KIAA1217: variants seen among roughly 807,000 people sequenced by gnomAD.
KIAA1217 encodes KIAA1217.
Under a neutral mutation model 163.9 loss-of-function variants are expected in KIAA1217, and 88 were observed. The observed-to-expected ratio is 0.54, with a 90% confidence interval of 0.45 to 0.64. KIAA1217 has a LOEUF of 0.64. Ranked by LOEUF, KIAA1217 falls within the 30% of genes least tolerant of loss-of-function variation. The pLI is 0.00. For synonymous variants in KIAA1217, 903 were observed against 923.1 expected (o/e 0.98, Z 0.39); for missense variants, 2,372 against 2,475.0 (o/e 0.96, Z 0.88).
intron 6 of KIAA1217, among the ~76,000 whole-genome samples, chr10:24,486,844 TA>T (rs2065469010): frequency 6.6e-6 from 1 of 152,230 alleles, no homozygotes; most frequent in Non-Finnish European, 1.5e-5. Context: ...TCTATTTCGC[TA>T]ATGGTCAGTA....
At chr10:24,067,361 A>G (rs2060994061) in intron 2 of KIAA1217, among the ~76,000 whole-genome samples, 1 of 152,206 alleles carries the variant, frequency 6.6e-6, no homozygotes, top group Non-Finnish European at 1.5e-5. Context: ...TCTTTCTAAC[A>G]GACAGGACCC....
intron 1 of KIAA1217, among the ~76,000 whole-genome samples, chr10:23,759,119 G>T (rs1834106341): frequency 6.6e-6 from 1 of 151,974 alleles, no homozygotes; most frequent in African/African-American, 2.4e-5. Flanking sequence ...AGTTTCTATT[G>T]TTTGTTTTTT....
chr10:24,062,723 C>T (rs2131605212), intron 2 of KIAA1217, among the ~76,000 whole-genome samples: 1 of 152,092 alleles, frequency 6.6e-6, no homozygotes, highest in African/African-American at 2.4e-5. Flanking sequence ...CACTGACTTC[C>T]ACAATGGTTG....
intron 1 of KIAA1217, among the ~76,000 whole-genome samples, chr10:24,004,762 G>A (rs1846915449): frequency 6.6e-6 from 1 of 152,306 alleles, no homozygotes; most frequent in South Asian, 2.1e-4. Context: ...TGCAGAAAGG[G>A]AAAAGAAGAG....
intron 2 of KIAA1217, among the ~76,000 whole-genome samples, chr10:24,248,607 G>T (rs1177101616): frequency 7.4e-6 from 1 of 134,528 alleles, no homozygotes; most frequent in African/African-American, 2.8e-5. Context: ...GGAGGCGGAG[G>T]TTGCAGTGAG....
intron 2 of KIAA1217, among the ~76,000 whole-genome samples, chr10:24,342,767 T>A (rs1297714611): frequency 6.7e-6 from 1 of 148,486 alleles, no homozygotes; most frequent in East Asian, 2.1e-4. Flanking sequence ...CAAGCGATCC[T>A]CCTGCCTCAG....
intron 5 of KIAA1217, among the ~76,000 whole-genome samples, chr10:24,441,339 G>A (rs1249168722): frequency 6.6e-6 from 1 of 152,148 alleles, no homozygotes; most frequent in African/African-American, 2.4e-5. Context: ...GTTGGAATAA[G>A]CAGAGGGGCA....
chr10:23,703,371 C>T (rs941629506), intron 1 of KIAA1217, among the ~76,000 whole-genome samples: 3 of 152,140 alleles, frequency 2.0e-5, no homozygotes, highest in Non-Finnish European at 4.4e-5. Flanking sequence ...AGCTTTATAC[C>T]ATGGCGTCCC....
chr10:23,727,538 C>T (rs181249617), intron 1 of KIAA1217, among the ~76,000 whole-genome samples: 24 of 151,884 alleles, frequency 1.6e-4, no homozygotes, highest in East Asian at 3.9e-4. Context: ...CCAGTCTGGG[C>T]GACAGAATGA....
chr10:24,487,512 A>G (rs1407041954), intron 6 of KIAA1217, among the ~76,000 whole-genome samples: 1 of 152,248 alleles, frequency 6.6e-6, no homozygotes, highest in Non-Finnish European at 1.5e-5. Flanking sequence ...AGAGAATACC[A>G]TCATCGCCAC....
chr10:24,433,111 A>C lies in KIAA1217; in HGVS notation c.670A>C (p.Met224Leu). 1 of 1,614,182 alleles carries C rather than the reference A, an allele frequency of 6.2e-7. No individual in the cohort carries two copies. The highest frequency in any genetic ancestry group is 8.5e-7 in the Non-Finnish European group (1 of 1,180,014). ...AAGTGCCTTTCCACAGCAGCTCACC[A>C]TGAAAATGCTGGAATCGCCCAGTGT... Reference protein sequence around the residue: ...FVSAFPQQLTMKMLESPSVAI... With the variant: ...FVSAFPQQLTLKMLESPSVAI... Residue 224 changes from methionine (M) to leucine (L), a missense_variant, in exon 4 of 21, where the codon ATG (methionine) becomes CTG (leucine). By Grantham distance (15) the Met-to-Leu change is conservative. Around this residue, in one of 3 missense-constraint regions of KIAA1217, gnomAD observed 1,431 missense variants for 1,470.3 expected, o/e 0.97. Transcript: ENST00000376454.
At chr10:23,750,278 G>T (rs772694377) in intron 1 of KIAA1217, among the ~76,000 whole-genome samples, 12 of 152,202 alleles carry the variant, frequency 7.9e-5, no homozygotes, top group Non-Finnish European at 1.8e-4. Flanking sequence ...TAAATGTTTT[G>T]TCATGGAATA....
chr10:23,974,888 C>T (rs1312452821), intron 1 of KIAA1217, among the ~76,000 whole-genome samples: 1 of 151,796 alleles, frequency 6.6e-6, no homozygotes, highest in Non-Finnish European at 1.5e-5. Flanking sequence ...ATCCTTCCCC[C>T]CCCCATAGAT....
rs146561578 is a variant in KIAA1217, at chr10:23,839,807, AC to A, written c.-321+144574del. On this transcript the variant is annotated intron_variant, in intron 1 of 18. Transcript: ENST00000376462. ...TGTATCCCAGGATTGATGTCCCACC[AC>A]AAATCTGTCTTTGTAGCCCAGAAAT... Among the ~76,000 whole-genome samples the A allele has an allele frequency of 2.9e-3, 439 of 152,262 alleles. 3 individuals are homozygous for A. Among genetic ancestry groups the A allele is most frequent in the African/African-American group, 0.01 (425 of 41,554 alleles).
chr10:24,061,638 A>G (rs902561647), intron 2 of KIAA1217, among the ~76,000 whole-genome samples: 3 of 152,186 alleles, frequency 2.0e-5, no homozygotes, highest in African/African-American at 7.2e-5. Context: ...ATTTTTGAAG[A>G]ACAGTTTTGA....
At chr10:23,816,233 A>G (rs998522397) in intron 1 of KIAA1217, among the ~76,000 whole-genome samples, 6 of 152,240 alleles carry the variant, frequency 3.9e-5, no homozygotes, top group Middle Eastern at 3.4e-3. Context: ...TGCAAACATT[A>G]CTTTGATCCT....
At chr10:23,709,334 G>C (rs916263219) in intron 1 of KIAA1217, among the ~76,000 whole-genome samples, 15 of 152,004 alleles carry the variant, frequency 9.9e-5, no homozygotes, top group African/African-American at 3.4e-4. Context: ...GACCAGCCTG[G>C]GCAAGATAGC....
intron 2 of KIAA1217, among the ~76,000 whole-genome samples, chr10:24,030,351 A>G (rs149965047): frequency 2.0e-4 from 30 of 152,100 alleles, no homozygotes; most frequent in Non-Finnish European, 4.1e-4. Context: ...TTCTCATGAT[A>G]ATGAGGGAGT....
intron 1 of KIAA1217, among the ~76,000 whole-genome samples, chr10:23,872,618 T>C (rs1193026778): frequency 1.3e-5 from 2 of 152,100 alleles, no homozygotes; most frequent in Non-Finnish European, 2.9e-5. Context: ...TGCTTCTTTA[T>C]TGGCAAAGCT....
Sources: allele counts gnomAD v4.1 joint callset (sites outside exome capture counted in the v4.1 genomes callset), GRCh38; gene constraint gnomAD v4.1.1; regional missense constraint gnomAD v4.1.1; transcripts MANE v1.5; gene names NCBI Gene and HGNC (gene_info 2026-07-23, HGNC 2026-07-21).